Variants in GAK observed in about 807,000 individuals in gnomAD.
GAK encodes cyclin-G-associated kinase.
In GAK, 79 loss-of-function variants were observed where a neutral mutation model predicts 143.9. The observed-to-expected ratio is 0.55, with a 90% CI of 0.46 to 0.66. The LOEUF is 0.66. Ranked by LOEUF, GAK falls within the 30% of genes least tolerant of loss-of-function variation. GAK has a pLI of 0.00. For synonymous variants in GAK, 881 were observed against 765.5 expected, an observed-to-expected ratio of 1.15 and a Z score of -2.49; for missense variants, 1,693 against 1,779.7, an observed-to-expected ratio of 0.95 and a Z score of 0.88.
chr4:900,323 C>T (rs545390640), intron 5 of GAK, among the ~76,000 whole-genome samples: 12 of 152,380 alleles, frequency 7.9e-5, no homozygotes, highest in Admixed American at 3.9e-4. Context: ...CGCAAACAGC[C>T]GTCCAGACTC....
At chr4:884,395 C>T in intron 11 of GAK, 1 of 347,354 alleles carries the variant, frequency 2.9e-6, no homozygotes, top group Non-Finnish European at 5.3e-6. Flanking sequence ...AGGCACGGCC[C>T]AGGAGTGGGC....
chr4:902,510 G>A (rs1358105034), intron 5 of GAK, among the ~76,000 whole-genome samples: 1 of 148,628 alleles, frequency 6.7e-6, no homozygotes, highest in African/African-American at 2.5e-5. Flanking sequence ...GCTCAGGTGG[G>A]AGATCACCTG....
rs116230567 is a variant in GAK at position 908,887 on chromosome 4, T to C, written c.382+2786A>G. Among the ~76,000 whole-genome samples, 834 of 152,142 alleles carry C rather than the reference T, an allele frequency of 5.5e-3. 8 individuals are homozygous for C. The highest frequency in any genetic ancestry group is 0.019 in the African/African-American group (791 of 41,504). ...TCATAAAACTCTGGGTTGTTGTTGGTTTTTTTTGAGACAAGAGTCTCGGCT... is the reference window on the plus strand; with the variant it reads ...TCATAAAACTCTGGGTTGTTGTTGGCTTTTTTTGAGACAAGAGTCTCGGCT... On this transcript the variant is annotated intron_variant, in intron 4 of 27. Coordinates refer to ENST00000314167, the MANE Select transcript of GAK (RefSeq NM_005255.4).
intron 8 of GAK, 121 bp downstream of exon 8, chr4:893,753 T>C (rs1718153905): frequency 5.7e-6 from 7 of 1,229,966 alleles, no homozygotes; most frequent in Non-Finnish European, 7.7e-6. Flanking sequence ...TTGTCAAAAC[T>C]ATGGTGACGG....
chr4:866,676 GCAGT>G, intron 21 of GAK, 142 bp from the exon 22 acceptor site: 1 of 904,244 alleles, frequency 1.1e-6, no homozygotes, highest in Non-Finnish European at 1.7e-6. Context: ...GGGCACTGAG[GCAGT>G]CAGCCCAGGG....
intron 1 of GAK, among the ~76,000 whole-genome samples, chr4:916,430 T>C (rs1232617441): frequency 1.3e-5 from 2 of 152,202 alleles, no homozygotes; most frequent in African/African-American, 2.4e-5. Context: ...AATTTTTTTA[T>C]TCTTTGAAGA....
intron 5 of GAK, 45 bp downstream of exon 5, chr4:904,592 C>G: frequency 1.3e-6 from 2 of 1,521,810 alleles, no homozygotes; most frequent in Middle Eastern, 2.4e-4. Flanking sequence ...CGAGTGGGAC[C>G]CGCACACAGA....
rs772338173 is a variant in GAK, at chr4:849,679, G to C, written c.3930C>G (p.Leu1310=). 1.2e-6 allele frequency: 2 copies of C among 1,611,206 alleles called. No individual in the cohort carries two copies. Among genetic ancestry groups the C allele is most frequent in the South Asian group, 1.1e-5 (1 of 90,740 alleles). The part of the protein sequence containing the change: ...SEFENQGSRP[L]F Reference sequence around the variant, plus strand: ...AGCCACCACCACTGCGGCCTCAGAAGAGGGGCCGGGAGCCCTGGTTCTCAA... The same window carrying C: ...AGCCACCACCACTGCGGCCTCAGAACAGGGGCCGGGAGCCCTGGTTCTCAA... The change falls in exon 28 of 28, where the codon CTC becomes CTG. Residue 1310 remains leucine (L), a synonymous_variant. Coordinates refer to ENST00000314167, the MANE Select transcript of GAK (RefSeq NM_005255.4).
intron 7 of GAK, 101 bp from the exon 8 acceptor site, chr4:894,110 T>G: frequency 1.5e-6 from 2 of 1,293,590 alleles, no homozygotes; most frequent in Non-Finnish European, 2.0e-6. Flanking sequence ...CCACGGGGAA[T>G]GCAGGGGTGA....
chr4:856,429 CCTGCTCACCACAGCTGCTCACTACAG>C (rs1406447628), intron 24 of GAK, among the ~76,000 whole-genome samples: 3 of 96,626 alleles, frequency 3.1e-5, no homozygotes, highest in African/African-American at 8.1e-5. Flanking sequence ...GCTGCTCACA[CCTGCTCACCACAGCTGCTCACTACAG>C]CTGCTCACCA....
chr4:919,765 C>T (rs976097247), intron 1 of GAK, among the ~76,000 whole-genome samples: 10 of 152,234 alleles, frequency 6.6e-5, no homozygotes, highest in Non-Finnish European at 1.3e-4. Flanking sequence ...ACCTGTTTAC[C>T]GTCTGTCTCA....
intron 1 of GAK, among the ~76,000 whole-genome samples, chr4:920,140 C>T (rs933193122): frequency 1.3e-5 from 2 of 152,014 alleles, no homozygotes; most frequent in Non-Finnish European, 2.9e-5. Flanking sequence ...GACCCCGTCT[C>T]TACTAAAAAT....
chr4:850,214 C>A (rs962619382), intron 26 of GAK, 146 bp from the exon 27 acceptor site: 4 of 735,300 alleles, frequency 5.4e-6, no homozygotes, highest in African/African-American at 1.8e-5. Context: ...CCACTGCACG[C>A]CCTGCCCTCA....
Position 931,205 on chromosome 4 carries a change from C to T in GAK, c.145+838G>A, listed in dbSNP as rs190758164. On this transcript the variant is annotated intron_variant, in intron 1 of 27. Transcript: ENST00000314167. Reference sequence around the variant, plus strand: ...AGGACATCCAGGGAGCTAGAAATAGCATGCAGAGACAAAACTGACTCAAGA... The same window carrying T: ...AGGACATCCAGGGAGCTAGAAATAGTATGCAGAGACAAAACTGACTCAAGA... 2.2e-4 allele frequency among the ~76,000 whole-genome samples: 34 copies of T among 152,334 alleles called. No individual in the cohort carries two copies. In the East Asian group the frequency reaches 6.6e-3, roughly 29 times the overall value.
Position 867,289 on chromosome 4 carries a change from G to A in GAK, c.2539C>T (p.Pro847Ser). 1 of 1,612,880 alleles carries A rather than the reference G, an allele frequency of 6.2e-7. No homozygotes were observed. The highest frequency in any genetic ancestry group is 1.3e-5 in the African/African-American group (1 of 75,044). ...CCTGCTGCCAGGCCGGGGGGCTCTG[G>A]GTCGGCCCTGGGTTCCTGGCCCTCG... Reference protein sequence around the residue: ...SSEGQEPRADPEPPGLAAGLV... With the variant: ...SSEGQEPRADSEPPGLAAGLV... Residue 847 changes from proline to serine, a missense_variant, in exon 21 of 28, where the codon CCA (proline) becomes TCA (serine). Coordinates refer to ENST00000314167, the MANE Select transcript of GAK (RefSeq NM_005255.4).
At chr4:903,714 G>A (rs954315732) in intron 5 of GAK, among the ~76,000 whole-genome samples, 9 of 147,038 alleles carry the variant, frequency 6.1e-5, no homozygotes, top group Non-Finnish European at 9.0e-5. Context: ...GCGGTGGGGG[G>A]GCGGCCGAGG....
intron 5 of GAK, among the ~76,000 whole-genome samples, chr4:904,262 ACCCGCACACAGAGG>A (rs1720632029): frequency 1.6e-5 from 2 of 123,860 alleles, no homozygotes; most frequent in Non-Finnish European, 3.4e-5. Flanking sequence ...ACCGAGCGGG[ACCCGCACACAGAGG>A]CCTTGGCAGC....
At chr4:871,025 A>T (rs1057144627) in intron 18 of GAK, 121 bp from the exon 19 acceptor site, 1 of 865,146 alleles carries the variant, frequency 1.2e-6, no homozygotes, top group Non-Finnish European at 1.7e-6. Context: ...GGCGAGAACA[A>T]CCAGGGCAGC....
At chr4:903,771 G>T (rs578075083) in intron 5 of GAK, among the ~76,000 whole-genome samples, 1 of 151,568 alleles carries the variant, frequency 6.6e-6, no homozygotes, top group East Asian at 1.9e-4. Flanking sequence ...TGACACCACC[G>T]GCGGGCACCC....
Sources: allele counts gnomAD v4.1 joint callset (sites outside exome capture counted in the v4.1 genomes callset), GRCh38; gene constraint gnomAD v4.1.1; transcripts MANE v1.5; gene names NCBI Gene and HGNC (gene_info 2026-07-23, HGNC 2026-07-21).